RPS6KA2: variants seen among roughly 807,000 people sequenced by gnomAD.
RPS6KA2 encodes the protein ribosomal protein S6 kinase A2.
A neutral mutation model predicts 91.8 loss-of-function variants in RPS6KA2; 42 were observed. That is an observed-to-expected ratio of 0.46 (90% confidence interval 0.36 to 0.59). The LOEUF is 0.59. RPS6KA2 is among the 20% of genes least tolerant of loss of function. RPS6KA2 has a pLI of 0.00. For missense variants in RPS6KA2, 798 were observed against 978.5 expected, an observed-to-expected ratio of 0.82 and a Z score of 2.46; for synonymous variants, 414 against 393.6, an observed-to-expected ratio of 1.05 and a Z score of -0.61.
At chr6:166,653,083 G>C (rs1237398908) in intron 2 of RPS6KA2, among the ~76,000 whole-genome samples, 1 of 152,222 alleles carries the variant, frequency 6.6e-6, no homozygotes, top group African/African-American at 2.4e-5. Flanking sequence ...GTTGTTCAGA[G>C]GGAGTCTCGT....
intron 2 of RPS6KA2, among the ~76,000 whole-genome samples, chr6:166,823,152 G>T (rs1779946900): frequency 6.6e-6 from 1 of 152,194 alleles, no homozygotes; most frequent in Non-Finnish European, 1.5e-5. Flanking sequence ...CCATGTTCAA[G>T]GATGCAATGA....
chr6:166,686,540 C>T (rs1789022239), intron 2 of RPS6KA2, among the ~76,000 whole-genome samples: 1 of 152,214 alleles, frequency 6.6e-6, no homozygotes, highest in African/African-American at 2.4e-5. Context: ...CTGACAGGCC[C>T]CAGCCCATCA....
intron 2 of RPS6KA2, among the ~76,000 whole-genome samples, chr6:166,800,591 T>A (rs79964029): frequency 0.022 from 3,390 of 152,248 alleles, 142 homozygotes; most frequent in African/African-American, 0.078. Flanking sequence ...GGGTTCTGTC[T>A]TGGAAGCAGA....
At chr6:166,719,380 A>G (rs574009532) in intron 2 of RPS6KA2, among the ~76,000 whole-genome samples, 1 of 152,296 alleles carries the variant, frequency 6.6e-6, no homozygotes, top group Non-Finnish European at 1.5e-5. Context: ...CTTTTTTCCA[A>G]CTGTTAAAAT....
At chr6:166,629,232 G>A (rs1463639648), upstream of RPS6KA2, among the ~76,000 whole-genome samples, 1 of 152,264 alleles carries the variant, frequency 6.6e-6, no homozygotes, top group Non-Finnish European at 1.5e-5. Context: ...CCGGAGACAG[G>A]AGTGCTGAAT....
chr6:166,427,315 G>C (rs966297621), intron 16 of RPS6KA2, among the ~76,000 whole-genome samples: 1 of 152,112 alleles, frequency 6.6e-6, no homozygotes, highest in African/African-American at 2.4e-5. Context: ...AATAATAAGA[G>C]CTATCGATGA....
chr6:166,505,896 T>G (rs1482167736), intron 5 of RPS6KA2, among the ~76,000 whole-genome samples: 2 of 152,232 alleles, frequency 1.3e-5, no homozygotes, highest in Non-Finnish European at 2.9e-5. Flanking sequence ...ACTTGACATA[T>G]CCACACGTGG....
chr6:166,812,016 T>C (rs1779649345), intron 2 of RPS6KA2, among the ~76,000 whole-genome samples: 1 of 152,198 alleles, frequency 6.6e-6, no homozygotes, highest in Non-Finnish European at 1.5e-5. Flanking sequence ...GGGGAACTTC[T>C]TGTGAAACCT....
chr6:166,625,318 CCA>C (rs1166907150), intron 1 of RPS6KA2, among the ~76,000 whole-genome samples: 3 of 52,420 alleles, frequency 5.7e-5, no homozygotes, highest in African/African-American at 1.6e-4. Context: ...TTTCCTATTC[CCA>C]CCACCCCCCC....
chr6:166,609,602 C>T (rs1786091172), intron 1 of RPS6KA2, among the ~76,000 whole-genome samples: 1 of 151,130 alleles, frequency 6.6e-6, no homozygotes, highest in Admixed American at 6.6e-5. Flanking sequence ...TGGGTTCAAG[C>T]AATTCTCCTG....
intron 2 of RPS6KA2, among the ~76,000 whole-genome samples, chr6:166,725,854 C>T (rs1161556767): frequency 4.6e-5 from 7 of 152,180 alleles, no homozygotes; most frequent in Admixed American, 4.6e-4. Context: ...AGAGGGAAAG[C>T]AGTGTCAGCT....
intron 2 of RPS6KA2, among the ~76,000 whole-genome samples, chr6:166,802,744 A>G (rs1779399896): frequency 6.6e-6 from 1 of 152,216 alleles, no homozygotes; most frequent in Admixed American, 6.5e-5. Context: ...ACGAAACTAC[A>G]TCAGAATAAA....
In RPS6KA2 at chr6:166,648,714, C is replaced by T. The variant is rs886955554; in HGVS notation, c.124-109930G>A. ...AGCCGACTCCATCTGCGCATCACTC[C>T]GATCTGTATTACAGTGATTACTCCG... is the stretch of plus-strand genomic sequence containing the variant. On this transcript the variant is annotated intron_variant, in intron 2 of 21. Transcript: ENST00000503859. This position sits in a 1 kb window ranked among gnomAD's most constrained non-coding sequence, Gnocchi z 4.8. Among the ~76,000 whole-genome samples, 3 of 152,160 alleles carry T rather than the reference C, an allele frequency of 2.0e-5. No homozygotes were observed. The highest frequency in any genetic ancestry group is 4.8e-5 in the African/African-American group (2 of 41,420).
chr6:166,622,211 C>A (rs189137466), intron 1 of RPS6KA2, among the ~76,000 whole-genome samples: 296 of 152,006 alleles, frequency 1.9e-3, no homozygotes, highest in African/African-American at 6.8e-3. Flanking sequence ...CTTTTCACAT[C>A]GTTTAAAAAA....
At position 166,533,784 on chromosome 6, in the gene RPS6KA2, A is replaced by G. The variant is rs1469715771; in HGVS notation, c.217-2471T>C. On this transcript the variant is annotated intron_variant, in intron 2 of 20. Coordinates refer to ENST00000265678, the MANE Select transcript of RPS6KA2 (RefSeq NM_021135.6). The surrounding 1 kb of genome is among the most constrained non-coding windows in gnomAD (Gnocchi z 4.0). The stretch of plus-strand genomic sequence containing the variant: ...TTAGCTCCCAAAATAAGGCATTCTT[A>G]TAATCAGAAAACAAAGGGCCAGGTT... Among the ~76,000 whole-genome samples, 1 of 152,200 alleles carries G rather than the reference A, an allele frequency of 6.6e-6. No homozygotes were observed. Among genetic ancestry groups the G allele is most frequent in the Non-Finnish European group, 1.5e-5 (1 of 68,036 alleles).
rs1282392441 is a variant in RPS6KA2 at position 166,662,916 on chromosome 6, G to A, written c.124-124132C>T. On this transcript the variant is annotated intron_variant, in intron 2 of 21. Coordinates refer to the RPS6KA2 transcript ENST00000503859. This position sits in a 1 kb window ranked among gnomAD's most constrained non-coding sequence, Gnocchi z 4.3. ...CTGAATACGCAGAGACACCGGGGCC[G>A]CCTCTGTGTATGGAGGAACGGCCAC... Among the ~76,000 whole-genome samples, 7 of 152,094 alleles carry A rather than the reference G, an allele frequency of 4.6e-5. No individual in the cohort carries two copies. The East Asian group carries it at 9.6e-4, about 21-fold the overall frequency.
intron 10 of RPS6KA2, among the ~76,000 whole-genome samples, chr6:166,472,430 T>C (rs1780806977): frequency 6.6e-6 from 1 of 152,216 alleles, no homozygotes. Context: ...TTTCTATCTT[T>C]ACCTCCTTTC....
Position 166,412,924 on chromosome 6 carries a change from C to T in RPS6KA2, c.2077-37G>A. The T allele has an allele frequency of 1.3e-6, 2 of 1,531,604 alleles. No individual in the cohort carries two copies. The highest frequency in any genetic ancestry group is 1.7e-4 in the Middle Eastern group (1 of 5,916). The allele number at this position is 1,531,604 out of a possible 1,614,324, so 94.9% of individuals were successfully genotyped here. A position where few individuals can be genotyped will look rare whatever the true frequency, so the allele number is the denominator to read the frequency against. ...AAGACAAGGGTGAGAGCCGCGGCGC[C>T]TCACTCCAGGGGTTGAGCCGGAGCC... On this transcript the variant is annotated intron_variant, in intron 20 of 20. Transcript: ENST00000265678. This position sits in a 1 kb window ranked among gnomAD's most constrained non-coding sequence, Gnocchi z 4.3.
chr6:166,446,073 G>A (rs1460177065), intron 14 of RPS6KA2, among the ~76,000 whole-genome samples: 4 of 152,218 alleles, frequency 2.6e-5, no homozygotes, highest in East Asian at 1.9e-4. Context: ...AAACAAAACC[G>A]CACAGTGCTC....
Sources: allele counts gnomAD v4.1 joint callset (sites outside exome capture counted in the v4.1 genomes callset), GRCh38; gene constraint gnomAD v4.1.1; non-coding constraint Gnocchi (gnomAD v3.1); transcripts MANE v1.5; gene names NCBI Gene and HGNC (gene_info 2026-07-23, HGNC 2026-07-21).